SDK1: variants seen among roughly 807,000 people sequenced by gnomAD.
SDK1 encodes protein sidekick-1.
In SDK1, 157 loss-of-function variants were observed where a neutral mutation model predicts 245.5. The ratio of observed to expected loss-of-function variants is 0.64; its 90% CI spans 0.56 to 0.73. The LOEUF (loss-of-function observed/expected upper bound fraction) is 0.73. Among genes scored for constraint, SDK1 ranks in the 30% least tolerant of loss-of-function variants. The pLI, the probability that SDK1 is intolerant of heterozygous loss-of-function variation, is 0.00. For synonymous variants in SDK1, 1,647 were observed against 1,278.5 expected (o/e 1.29, Z -6.15); for missense variants, 3,583 against 3,002.3 (o/e 1.19, Z -4.52).
chr7:3,547,987 T>C (rs1206387350), intron 1 of SDK1, among the ~76,000 whole-genome samples: 1 of 152,232 alleles, frequency 6.6e-6, no homozygotes, highest in Non-Finnish European at 1.5e-5. Flanking sequence ...TTCTGTTCTT[T>C]TGAAGACAGC....
chr7:3,421,689 G>C (rs548912596), intron 1 of SDK1, among the ~76,000 whole-genome samples: 2 of 152,294 alleles, frequency 1.3e-5, no homozygotes, highest in African/African-American at 4.8e-5. Flanking sequence ...GTAGCTTTCT[G>C]TTGGCTCTTA....
At chr7:3,463,347 T>A (rs1390185637) in intron 1 of SDK1, among the ~76,000 whole-genome samples, 13 of 151,256 alleles carry the variant, frequency 8.6e-5, no homozygotes, top group Admixed American at 8.5e-4. Flanking sequence ...GACTCACATA[T>A]TCATGAATGA....
rs1173618967 is a variant in SDK1, at chr7:3,823,950, GTGTTTTTTTTTTT to G, written c.847+2379_847+2391del. On this transcript the variant is annotated intron_variant, in intron 5 of 44. Coordinates refer to ENST00000404826, the MANE Select transcript of SDK1 (RefSeq NM_152744.4). ...ACCAATTATGCTTTTTTGTTTTTTT[GTGTTTTTTTTTTT>G]TGTTTTTTTTTCTGCTAAAAGTTTT... Among the ~76,000 whole-genome samples, 12 of 135,210 alleles carry G rather than the reference GTGTTTTTTTTTTT, an allele frequency of 8.9e-5. No individual in the cohort carries two copies. In the East Asian group the frequency reaches 2.4e-3, roughly 27 times the overall value. The allele number at this position is 135,210 out of a possible 152,430, so 88.7% of individuals were successfully genotyped here.
chr7:3,874,641 G>A (rs575492402), intron 5 of SDK1, among the ~76,000 whole-genome samples: 1 of 152,064 alleles, frequency 6.6e-6, no homozygotes, highest in South Asian at 2.1e-4. Context: ...TCCCACCCCT[G>A]CCCTCATGCT....
At chr7:3,433,736 A>G (rs923599988) in intron 1 of SDK1, among the ~76,000 whole-genome samples, 1 of 152,176 alleles carries the variant, frequency 6.6e-6, no homozygotes, top group African/African-American at 2.4e-5. Flanking sequence ...TTTAAGAGCA[A>G]TAGTCAGTGC....
chr7:3,873,529 T>C (rs1274614786), intron 5 of SDK1, among the ~76,000 whole-genome samples: 1 of 152,202 alleles, frequency 6.6e-6, no homozygotes, highest in East Asian at 1.9e-4. Context: ...TTTCAGCCAT[T>C]TCTTCTGTCC....
intron 1 of SDK1, among the ~76,000 whole-genome samples, chr7:3,439,118 G>T (rs1038142839): frequency 2.0e-5 from 3 of 152,054 alleles, no homozygotes; most frequent in African/African-American, 7.2e-5. Flanking sequence ...CTCCCAAAGT[G>T]CTGGGATTAC....
At chr7:3,667,787 T>C (rs1403047807) in intron 4 of SDK1, among the ~76,000 whole-genome samples, 1 of 152,248 alleles carries the variant, frequency 6.6e-6, no homozygotes, top group Non-Finnish European at 1.5e-5. Context: ...TTTGTTCTTC[T>C]TTATTCATAA....
chr7:4,078,918 C>T (rs1445507753), intron 21 of SDK1, among the ~76,000 whole-genome samples: 1 of 152,162 alleles, frequency 6.6e-6, no homozygotes, highest in African/African-American at 2.4e-5. Flanking sequence ...AAACGAAATC[C>T]AAGAAGCCTA....
intron 1 of SDK1, among the ~76,000 whole-genome samples, chr7:3,328,692 G>C (rs1016707334): frequency 6.6e-6 from 1 of 151,532 alleles, no homozygotes; most frequent in African/African-American, 2.4e-5. Context: ...AGGATGATGC[G>C]CTCTCCATTT....
intron 2 of SDK1, among the ~76,000 whole-genome samples, chr7:3,624,312 G>T (rs1242881862): frequency 6.6e-6 from 1 of 152,128 alleles, no homozygotes; most frequent in African/African-American, 2.4e-5. Context: ...CAGTCCTCCT[G>T]CCTCAGCCTC....
intron 1 of SDK1, among the ~76,000 whole-genome samples, chr7:3,305,166 T>A (rs1779384949): frequency 6.6e-6 from 1 of 152,188 alleles, no homozygotes. Context: ...CGTTTATTCC[T>A]ACTGAAACTG....
chr7:3,840,185 C>G (rs1780122212), intron 5 of SDK1, among the ~76,000 whole-genome samples: 1 of 151,984 alleles, frequency 6.6e-6, no homozygotes, highest in South Asian at 2.1e-4. Flanking sequence ...TATCTGAAGG[C>G]CATGTTCAGT....
intron 4 of SDK1, among the ~76,000 whole-genome samples, chr7:3,746,489 A>T (rs559576242): frequency 6.6e-6 from 1 of 152,188 alleles, no homozygotes; most frequent in African/African-American, 2.4e-5. Flanking sequence ...TCTTTTACCC[A>T]TAGTAGAACG....
chr7:3,328,758 C>A (rs1376679189), intron 1 of SDK1, among the ~76,000 whole-genome samples: 1 of 152,074 alleles, frequency 6.6e-6, no homozygotes, highest in Non-Finnish European at 1.5e-5. Flanking sequence ...ACACATAGAT[C>A]TATTCTCCTT....
At chr7:4,066,650 C>T (rs1228183164) in intron 19 of SDK1, among the ~76,000 whole-genome samples, 1 of 152,220 alleles carries the variant, frequency 6.6e-6, no homozygotes, top group African/African-American at 2.4e-5. Flanking sequence ...CCCATCACCA[C>T]ACAGTGTGGG....
In SDK1 at chr7:3,488,061, A is replaced by G. The variant is rs78337416; in HGVS notation, c.299-131019A>G. 3.3e-3 allele frequency among the ~76,000 whole-genome samples: 496 copies of G among 152,234 alleles called. 4 individuals are homozygous for G. Among genetic ancestry groups the G allele is most frequent in the African/African-American group, 0.011 (468 of 41,540 alleles). ...GAGGCTTGTTTCCCCCACACCTTTC[A>G]AAGAAGTCTCTTGGTCTAATTTTTC... On this transcript the variant is annotated intron_variant, in intron 1 of 44. Coordinates refer to ENST00000404826, the MANE Select transcript of SDK1 (RefSeq NM_152744.4).
intron 40 of SDK1, 55 bp from the exon 41 acceptor site, chr7:4,233,200 C>A: frequency 6.4e-7 from 1 of 1,558,148 alleles, no homozygotes; most frequent in Non-Finnish European, 8.8e-7. Flanking sequence ...ATGGGGCTCG[C>A]ATCTGGGACT....
At chr7:3,544,689 A>G (rs1172180045) in intron 1 of SDK1, among the ~76,000 whole-genome samples, 1 of 152,230 alleles carries the variant, frequency 6.6e-6, no homozygotes, top group East Asian at 1.9e-4. Flanking sequence ...AACATCAGGA[A>G]AACTAGGATA....
Sources: gnomAD v4.1 joint callset for allele counts (sites outside exome capture counted in the v4.1 genomes callset) on GRCh38, gnomAD v4.1.1 for gene constraint, MANE v1.5 for transcripts, NCBI Gene and HGNC (gene_info 2026-07-23, HGNC 2026-07-21) for gene names.